CCNY: variants seen among roughly 807,000 people sequenced by gnomAD.
The protein encoded by CCNY is cyclin Y, also known as cyclin-Y.
Under a neutral mutation model 42.8 loss-of-function variants are expected in CCNY, and 19 were observed. The ratio of observed to expected loss-of-function variants is 0.44; its 90% CI spans 0.31 to 0.65. The LOEUF (loss-of-function observed/expected upper bound fraction) is 0.65, where lower values mean the gene tolerates loss of function less well. Among genes scored for constraint, CCNY ranks in the 30% least tolerant of loss-of-function variants. CCNY has a pLI of 0.07. For synonymous variants in CCNY, 165 were observed against 162.7 expected, an observed-to-expected ratio of 1.01 and a Z score of -0.11; for missense variants, 370 against 437.3, an observed-to-expected ratio of 0.85 and a Z score of 1.37.
intron 1 of CCNY, among the ~76,000 whole-genome samples, chr10:35,383,058 A>G (rs899122820): frequency 2.6e-5 from 4 of 152,110 alleles, no homozygotes; most frequent in African/African-American, 9.7e-5. Context: ...TCGAAAACGC[A>G]ATATTTCGGG....
chr10:35,268,861 A>C (rs2095728232), intron 3 of CCNY, among the ~76,000 whole-genome samples: 1 of 152,214 alleles, frequency 6.6e-6, no homozygotes, highest in Non-Finnish European at 1.5e-5. Context: ...GGGAGGCAGC[A>C]AGCCCAGCGG....
At chr10:35,268,568 C>T (rs1353762735) in intron 3 of CCNY, among the ~76,000 whole-genome samples, 1 of 152,108 alleles carries the variant, frequency 6.6e-6, no homozygotes, top group East Asian at 1.9e-4. Context: ...TTGAGGTAGC[C>T]CTGTTCCCAC....
chr10:35,347,504 G>T lies in CCNY; in HGVS notation c.154+10297G>T, dbSNP rs991779001. The T allele has an allele frequency of 7.3e-6, 6 of 823,092 alleles. No homozygotes were observed. In the African/African-American group the frequency reaches 1.1e-4, roughly 15 times the overall value. 51.0% of individuals were successfully genotyped at this position (823,092 alleles called of 1,614,324 possible). A position where few individuals can be genotyped will look rare whatever the true frequency, so the allele number is the denominator to read the frequency against. On this transcript the variant is annotated intron_variant, in intron 1 of 9. Transcript: ENST00000374704. ...TATATGTTTCAAAACTGTGAGTGCA[G>T]TGCTTACAACATTTTATAAGCAAGT...
At chr10:35,415,873 T>C (rs1488117091) in intron 1 of CCNY, among the ~76,000 whole-genome samples, 1 of 152,226 alleles carries the variant, frequency 6.6e-6, no homozygotes, top group Non-Finnish European at 1.5e-5. Flanking sequence ...CAGGTGGCAG[T>C]GCCCGCTCTG....
chr10:35,295,871 T>G (rs1835465012), intron 3 of CCNY, among the ~76,000 whole-genome samples: 1 of 152,236 alleles, frequency 6.6e-6, no homozygotes, highest in South Asian at 2.1e-4. Flanking sequence ...AACTACATTT[T>G]GTTTATCCAT....
chr10:35,487,767 G>A (rs1049088452), intron 2 of CCNY, among the ~76,000 whole-genome samples: 4 of 152,122 alleles, frequency 2.6e-5, no homozygotes, highest in Admixed American at 6.5e-5. Flanking sequence ...CACACAAAGA[G>A]GATGACATTG....
chr10:35,556,935 C>T (rs2135455380), intron 8 of CCNY, among the ~76,000 whole-genome samples: 1 of 151,810 alleles, frequency 6.6e-6, no homozygotes. Flanking sequence ...AACTTCGCTT[C>T]CCGGGTTCAA....
intron 3 of CCNY, among the ~76,000 whole-genome samples, chr10:35,295,703 A>C (rs1835463671): frequency 6.6e-6 from 1 of 152,050 alleles, no homozygotes; most frequent in African/African-American, 2.4e-5. Context: ...AAGTTCTCTT[A>C]ATCTTTTCAA....
At chr10:35,523,302 A>G (rs1487127572) in intron 4 of CCNY, among the ~76,000 whole-genome samples, 1 of 152,208 alleles carries the variant, frequency 6.6e-6, no homozygotes, top group African/African-American at 2.4e-5. Flanking sequence ...GTCTCAGGCC[A>G]TCTTACTGCC....
intron 3 of CCNY, among the ~76,000 whole-genome samples, chr10:35,330,539 G>T (rs552466979): frequency 6.6e-6 from 1 of 152,104 alleles, no homozygotes; most frequent in Non-Finnish European, 1.5e-5. Context: ...CCAATTCCTG[G>T]CTAGATCGGG....
chr10:35,445,271 C>T (rs565910845), intron 1 of CCNY, among the ~76,000 whole-genome samples: 1 of 152,192 alleles, frequency 6.6e-6, no homozygotes, highest in South Asian at 2.1e-4. Context: ...TAGAGCCATG[C>T]TGCCGCCCTG....
intron 2 of CCNY, 45 bp from the exon 3 acceptor site, chr10:35,501,456 G>C (rs1444014316): frequency 1.3e-6 from 2 of 1,576,484 alleles, no homozygotes; most frequent in Admixed American, 3.3e-5. Context: ...CCAGGGGTTG[G>C]CATGCAGGCA....
chr10:35,311,139 C>T (rs1835679136), intron 3 of CCNY, among the ~76,000 whole-genome samples: 1 of 151,994 alleles, frequency 6.6e-6, no homozygotes, highest in South Asian at 2.1e-4. Context: ...ATAGCCAGAT[C>T]CTGTCTCTAC....
intron 1 of CCNY, among the ~76,000 whole-genome samples, chr10:35,396,370 C>T (rs1837526032): frequency 1.3e-5 from 2 of 152,180 alleles, no homozygotes; most frequent in African/African-American, 4.8e-5. Flanking sequence ...CTCTGCTCCC[C>T]ACCCTACAGC....
At chr10:35,255,181 G>A (rs2095714636) in intron 3 of CCNY, among the ~76,000 whole-genome samples, 1 of 152,014 alleles carries the variant, frequency 6.6e-6, no homozygotes, top group Non-Finnish European at 1.5e-5. Flanking sequence ...TCTTCTGTCT[G>A]GTTGTTCTAT....
At chr10:35,281,232 C>T (rs1343038905) in intron 3 of CCNY, among the ~76,000 whole-genome samples, 4 of 152,068 alleles carry the variant, frequency 2.6e-5, no homozygotes, top group Non-Finnish European at 4.4e-5. Flanking sequence ...TAGGTATGCA[C>T]CCAAAAGAAA....
rs1840728687 is a variant in CCNY, at chr10:35,529,892, T to C, written c.402-81T>C. ...ATCCCAAAAAAAAAAAAAAAGTCATTGAATTAAAATGTATTTTTGTTTTAT... is the reference window on the plus strand; with the variant it reads ...ATCCCAAAAAAAAAAAAAAAGTCATCGAATTAAAATGTATTTTTGTTTTAT... On this transcript the variant is annotated intron_variant, in intron 5 of 9. Transcript: ENST00000374704. The C allele has an allele frequency of 3.0e-6, 4 of 1,344,094 alleles. No homozygotes were observed. The South Asian group carries it at 5.0e-5, about 17-fold the overall frequency. 83.3% of individuals were successfully genotyped at this position (1,344,094 alleles called of 1,614,324 possible).
chr10:35,285,628 T>C (rs1254570447), intron 3 of CCNY, among the ~76,000 whole-genome samples: 1 of 152,164 alleles, frequency 6.6e-6, no homozygotes, highest in Non-Finnish European at 1.5e-5. Flanking sequence ...ATTATTTTAT[T>C]ATTTGTAGAG....
At chr10:35,409,128 T>A (rs1837847977) in intron 1 of CCNY, among the ~76,000 whole-genome samples, 1 of 152,184 alleles carries the variant, frequency 6.6e-6, no homozygotes, top group Non-Finnish European at 1.5e-5. Context: ...GATTGTGTAT[T>A]GCAACCAGGA....
Sources: gnomAD v4.1 joint callset for allele counts (sites outside exome capture counted in the v4.1 genomes callset) on GRCh38, gnomAD v4.1.1 for gene constraint, MANE v1.5 for transcripts, NCBI Gene and HGNC (gene_info 2026-07-23, HGNC 2026-07-21) for gene names.